The following C4orf50 variants were observed in gnomAD, a reference collection of about 807,000 sequenced individuals.
C4orf50 encodes the protein uncharacterized protein C4orf50.
A neutral mutation model predicts 77.2 loss-of-function variants in C4orf50; 80 were observed. That is an observed-to-expected ratio of 1.04 (90% CI 0.87 to 1.25). The LOEUF (loss-of-function observed/expected upper bound fraction) is 1.25, where lower values mean the gene tolerates loss of function less well. Ranked by LOEUF, C4orf50 falls within the 50% of genes most tolerant of loss-of-function variation. C4orf50 has a pLI of 0.00. For synonymous variants in C4orf50, 532 were observed against 465.3 expected (o/e 1.14, Z -1.84); for missense variants, 1,257 against 1,152.9 (o/e 1.09, Z -1.31).
rs1258372043 is a variant in C4orf50 at position 5,970,696 on chromosome 4, G to A, written c.4104+2963C>T. ...ATACAAAGACTCAGTCACGTGCAGGGAGGGGAGGTGGTCACCGACTGCTGC... is the reference window on the plus strand; with the variant it reads ...ATACAAAGACTCAGTCACGTGCAGGAAGGGGAGGTGGTCACCGACTGCTGC... On this transcript the variant is annotated intron_variant, in intron 31 of 33. Coordinates refer to ENST00000531445, the Ensembl canonical transcript of C4orf50. This position sits in a 1 kb window ranked among gnomAD's most constrained non-coding sequence, Gnocchi z 4.3. 6.6e-6 allele frequency among the ~76,000 whole-genome samples: 1 copy of A among 152,226 alleles called. No individual in the cohort carries two copies. Among genetic ancestry groups the A allele is most frequent in the Non-Finnish European group, 1.5e-5 (1 of 68,042 alleles).
At chr4:5,914,338 A>G (rs1033091476) in intron 7 of C4orf50, among the ~76,000 whole-genome samples, 7 of 150,300 alleles carry the variant, frequency 4.7e-5, no homozygotes, top group African/African-American at 1.7e-4. Context: ...CTGAGTAGCT[A>G]GGACTATAGG....
At chr4:5,910,907 CTTT>C (rs33913636) in intron 7 of C4orf50, among the ~76,000 whole-genome samples, 5 of 106,552 alleles carry the variant, frequency 4.7e-5, no homozygotes, top group Non-Finnish European at 7.0e-5. Context: ...CCCTTTCTTT[CTTT>C]TTTTTTTTTT....
intron 25 of C4orf50, among the ~76,000 whole-genome samples, chr4:5,998,327 T>C (rs539784917): frequency 6.6e-6 from 1 of 152,354 alleles, no homozygotes; most frequent in African/African-American, 2.4e-5. Context: ...TATTTGCATG[T>C]TCATCCCTTT....
chr4:5,927,608 A>T (rs527739835), intron 7 of C4orf50, among the ~76,000 whole-genome samples: 1 of 151,454 alleles, frequency 6.6e-6, no homozygotes, highest in East Asian at 2.0e-4. Context: ...TGAAAGTGGG[A>T]GTTTACCCTG....
intron 7 of C4orf50, among the ~76,000 whole-genome samples, chr4:5,941,524 A>G (rs1050893640): frequency 6.6e-6 from 1 of 152,208 alleles, no homozygotes; most frequent in Non-Finnish European, 1.5e-5. Flanking sequence ...ATAGGTAGAG[A>G]GAAACTAACA....
Position 6,008,217 on chromosome 4 carries a change from C to T in C4orf50, c.742G>A (p.Glu248Lys). ...TCTTCCCGCTCGCGCTCGCTGCGCT[C>T]TGCCCTCGCCTGCAGGGCGCGCAGT... Residue 248 changes from glutamate (E) to lysine (K), a missense_variant, in exon 25 of 34, where the codon GAG (glutamate) becomes AAG (lysine). Coordinates refer to ENST00000531445, the Ensembl canonical transcript of C4orf50. This position sits in a 1 kb window ranked among gnomAD's most constrained non-coding sequence, Gnocchi z 6.0. 1 of 397,034 alleles carries T rather than the reference C, an allele frequency of 2.5e-6. No individual in the cohort carries two copies. The highest frequency in any genetic ancestry group is 3.6e-5 in the East Asian group (1 of 28,002). 24.6% of individuals were successfully genotyped at this position (397,034 alleles called of 1,614,324 possible).
exon 29 of C4orf50, chr4:5,980,231 A>G: frequency 6.2e-7 from 1 of 1,611,572 alleles, no homozygotes; most frequent in South Asian, 1.1e-5. Context: ...CCTGGTGGGC[A>G]GCGCCCTGGT....
chr4:5,994,515 C>G (rs549258172), intron 25 of C4orf50, 39 bp from the exon 4 acceptor site: 9 of 399,152 alleles, frequency 2.3e-5, no homozygotes, highest in African/African-American at 1.4e-4. Flanking sequence ...CGTCAGTGTC[C>G]TGGCTGAAGT....
At position 5,981,402 on chromosome 4, in the gene C4orf50, C is replaced by CTTTTT. The variant is rs35263863; in HGVS notation, c.3700-1069_3700-1065dup. Among the ~76,000 whole-genome samples the CTTTTT allele has an allele frequency of 5.6e-5, 7 of 124,070 alleles. No homozygotes were observed. In the South Asian group the frequency reaches 1.7e-3, roughly 30 times the overall value. The allele number at this position is 124,070 out of a possible 152,430, so 81.4% of individuals were successfully genotyped here. A position where few individuals can be genotyped will look rare whatever the true frequency, so the allele number is the denominator to read the frequency against. ...ATTTCCAGGTGAACAAAGTGAGTAT[C>CTTTTT]TTTTTTTTTTTTTTTTTTTGAGATG... is the stretch of plus-strand genomic sequence containing the variant. On this transcript the variant is annotated intron_variant, in intron 28 of 33. Transcript: ENST00000531445.
In C4orf50 at chr4:5,997,425, T is replaced by C. The variant is rs541890503; in HGVS notation, c.964-2949A>G. On this transcript the variant is annotated intron_variant, in intron 25 of 33. Transcript: ENST00000531445. ...CTGAAACATTGCCCATTGTCTAGTT[T>C]ACCCCTTCATGTCACAACCGATGAA... 2.0e-5 allele frequency among the ~76,000 whole-genome samples: 3 copies of C among 152,340 alleles called. No homozygotes were observed. The South Asian group carries it at 6.2e-4, about 32-fold the overall frequency.
At chr4:5,917,766 C>T (rs1320193513) in intron 7 of C4orf50, among the ~76,000 whole-genome samples, 1 of 152,042 alleles carries the variant, frequency 6.6e-6, no homozygotes, top group Admixed American at 6.6e-5. Flanking sequence ...AGCACACACC[C>T]AACCCCAGAA....
chr4:5,922,378 G>A (rs1462863423), intron 7 of C4orf50, among the ~76,000 whole-genome samples: 1 of 152,186 alleles, frequency 6.6e-6, no homozygotes, highest in African/African-American at 2.4e-5. Flanking sequence ...TTGTGGGTCG[G>A]GTAACTCATA....
chr4:5,909,247 G>A (rs1440979949), intron 7 of C4orf50, among the ~76,000 whole-genome samples: 1 of 152,142 alleles, frequency 6.6e-6, no homozygotes, highest in Non-Finnish European at 1.5e-5. Context: ...CTCCTTGCAG[G>A]CTGAGCACAC....
intron 7 of C4orf50, among the ~76,000 whole-genome samples, chr4:5,921,424 T>C (rs1367579445): frequency 6.6e-6 from 1 of 152,154 alleles, no homozygotes; most frequent in African/African-American, 2.4e-5. Context: ...TGTCTGCATA[T>C]GTAGACGGTG....
rs1440369039 is a variant in C4orf50, at chr4:5,908,770, A to G, written c.*2475-10582T>C. Among the ~76,000 whole-genome samples the G allele has an allele frequency of 6.6e-6, 1 of 152,144 alleles. No individual in the cohort carries two copies. Among genetic ancestry groups the G allele is most frequent in the Non-Finnish European group, 1.5e-5 (1 of 68,024 alleles). On this transcript the variant is annotated intron_variant, in intron 7 of 7. Coordinates refer to the C4orf50 transcript ENST00000324058. The surrounding 1 kb of genome is among the most constrained non-coding windows in gnomAD (Gnocchi z 5.6). ...CAAGGTCATGCAGCCTTCAGTGGGG[A>G]TGCACAGGGGATGTGGGAAGGTCAT... is the stretch of plus-strand genomic sequence containing the variant.
intron 7 of C4orf50, chr4:5,923,268 A>G (rs1156308543): frequency 1.3e-5 from 2 of 154,314 alleles, no homozygotes; most frequent in East Asian, 3.9e-4. Context: ...TAGAGTTGGG[A>G]TTCGAACCTG....
exon 31 of C4orf50, chr4:5,973,713 G>T (rs755853988): frequency 6.2e-7 from 1 of 1,613,980 alleles, no homozygotes; most frequent in Non-Finnish European, 8.5e-7. Flanking sequence ...GTGCCACGTC[G>T]TTGAGCATGT....
intron 7 of C4orf50, among the ~76,000 whole-genome samples, chr4:5,925,718 G>A (rs1021835262): frequency 1.3e-5 from 2 of 152,254 alleles, no homozygotes; most frequent in African/African-American, 2.4e-5. Context: ...GCCTTGGGGG[G>A]CCCACAGTCT....
intron 7 of C4orf50, among the ~76,000 whole-genome samples, chr4:5,928,115 A>T (rs1289677027): frequency 1.3e-5 from 2 of 152,244 alleles, no homozygotes; most frequent in African/African-American, 4.8e-5. Context: ...ATGGTCCTCT[A>T]TAAAGGGTAA....
Sources: gnomAD v4.1 joint callset for allele counts (sites outside exome capture counted in the v4.1 genomes callset) on GRCh38, gnomAD v4.1.1 for gene constraint, Gnocchi (gnomAD v3.1) non-coding constraint, MANE v1.5 for transcripts, NCBI Gene and HGNC (gene_info 2026-07-23, HGNC 2026-07-21) for gene names.